IMMT: variants seen among roughly 807,000 people sequenced by gnomAD.
IMMT encodes MICOS complex subunit MIC60.
In IMMT, 40 loss-of-function variants were observed where a neutral mutation model predicts 92.7. That is an observed-to-expected ratio of 0.43 (90% CI 0.34 to 0.56). The LOEUF is 0.56. IMMT is among the 20% of genes least tolerant of loss of function. The pLI is 0.03. For synonymous variants in IMMT, 322 were observed against 336.1 expected, an observed-to-expected ratio of 0.96 and a Z score of 0.46; for missense variants, 831 against 912.1, an observed-to-expected ratio of 0.91 and a Z score of 1.14.
At chr2:86,181,139 A>G (rs959556207) in intron 2 of IMMT, among the ~76,000 whole-genome samples, 160 bp downstream of exon 2, 1 of 152,198 alleles carries the variant, frequency 6.6e-6, no homozygotes, top group Non-Finnish European at 1.5e-5. Flanking sequence ...CCTACAAACA[A>G]TGCTCCAGAA....
chr2:86,177,461 A>G (rs1283296159), intron 3 of IMMT, among the ~76,000 whole-genome samples: 1 of 152,020 alleles, frequency 6.6e-6, no homozygotes, highest in Non-Finnish European at 1.5e-5. Flanking sequence ...AAAATTAGCT[A>G]GGCATGGTGG....
At chr2:86,167,875 G>C (rs1040083594) in intron 6 of IMMT, among the ~76,000 whole-genome samples, 1 of 152,022 alleles carries the variant, frequency 6.6e-6, no homozygotes, top group African/African-American at 2.4e-5. Flanking sequence ...ATTTCAAATG[G>C]GAGAAACAAG....
At chr2:86,157,802 A>AC (rs1371233305) in intron 10 of IMMT, among the ~76,000 whole-genome samples, 1 of 112,074 alleles carries the variant, frequency 8.9e-6, no homozygotes, top group Non-Finnish European at 1.9e-5. Context: ...AAAAAAAAAA[A>AC]AGAAAAAAAA....
At chr2:86,172,281 G>A (rs1377352109) in intron 4 of IMMT, among the ~76,000 whole-genome samples, 5 of 151,668 alleles carry the variant, frequency 3.3e-5, no homozygotes, top group African/African-American at 1.2e-4. Context: ...TGGTTTTAAA[G>A]TAACAGTCAA....
intron 12 of IMMT, among the ~76,000 whole-genome samples, chr2:86,148,076 C>A (rs1223433074): frequency 6.6e-6 from 1 of 152,188 alleles, no homozygotes; most frequent in East Asian, 1.9e-4. Context: ...TCTCTCACCC[C>A]CAAACTTGTG....
intron 1 of IMMT, among the ~76,000 whole-genome samples, chr2:86,182,377 A>G (rs1672488755): frequency 6.6e-6 from 1 of 152,250 alleles, no homozygotes; most frequent in South Asian, 2.1e-4. Flanking sequence ...AAAATCTATC[A>G]CATGATCATA....
intron 1 of IMMT, among the ~76,000 whole-genome samples, chr2:86,193,903 T>A (rs1025267962): frequency 2.6e-5 from 4 of 152,114 alleles, no homozygotes; most frequent in African/African-American, 9.7e-5. Flanking sequence ...GAAAAGGAGG[T>A]CATCCAGGTG....
At chr2:86,150,780 G>C (rs1330339218) in intron 12 of IMMT, among the ~76,000 whole-genome samples, 1 of 152,146 alleles carries the variant, frequency 6.6e-6, no homozygotes. Context: ...TTACACTTCT[G>C]CATCTGCTCA....
chr2:86,192,094 C>A (rs1397095831), intron 1 of IMMT, among the ~76,000 whole-genome samples: 2 of 151,962 alleles, frequency 1.3e-5, no homozygotes, highest in African/African-American at 4.8e-5. Context: ...ATTGGCTGGG[C>A]ATGGTGGCAT....
In IMMT at chr2:86,157,111, T is replaced by C. The variant is rs115062506; in HGVS notation, c.1162+1481A>G. Among the ~76,000 whole-genome samples the C allele has an allele frequency of 3.8e-3, 572 of 152,294 alleles. 6 individuals are homozygous for C. Among genetic ancestry groups the C allele is most frequent in the African/African-American group, 0.013 (555 of 41,552 alleles). ...CAAGGATAAATTGTCCACAATGCCT[T>C]CTTTGCTCGATGGTAGCTATCCAGT... On this transcript the variant is annotated intron_variant, in intron 10 of 14. Coordinates refer to ENST00000410111, the MANE Select transcript of IMMT (RefSeq NM_006839.3).
intron 1 of IMMT, among the ~76,000 whole-genome samples, chr2:86,186,699 G>A (rs1262068743): frequency 1.3e-5 from 2 of 152,186 alleles, no homozygotes; most frequent in Admixed American, 6.5e-5. Context: ...GGGGATGACT[G>A]TAGACCTAGT....
Position 86,195,448 on chromosome 2 carries a change from C to G in IMMT, c.-66G>C, listed in dbSNP as rs561227050. Reference sequence around the variant, plus strand: ...CGCGGCGGCGCGAGTTAAGTGGAGGCGTGCTTGCGTGTGTGCGTGCCCGCG... The same window carrying G: ...CGCGGCGGCGCGAGTTAAGTGGAGGGGTGCTTGCGTGTGTGCGTGCCCGCG... On this transcript the variant is annotated 5_prime_UTR_variant, in exon 1 of 15. Coordinates refer to ENST00000410111, the MANE Select transcript of IMMT (RefSeq NM_006839.3). The G allele has an allele frequency of 2.0e-6, 3 of 1,503,644 alleles. No homozygotes were observed. The highest frequency in any genetic ancestry group is 2.7e-6 in the Non-Finnish European group (3 of 1,116,800). 93.1% of individuals were successfully genotyped at this position (1,503,644 alleles called of 1,614,324 possible).
intron 1 of IMMT, among the ~76,000 whole-genome samples, chr2:86,189,668 C>T (rs574569109): frequency 1.4e-4 from 22 of 152,288 alleles, no homozygotes; most frequent in African/African-American, 4.3e-4. Context: ...CAACTGATAA[C>T]GTTTTTGTGG....
intron 1 of IMMT, among the ~76,000 whole-genome samples, chr2:86,187,783 A>G (rs952117496): frequency 6.6e-6 from 1 of 151,902 alleles, no homozygotes; most frequent in African/African-American, 2.4e-5. Flanking sequence ...GTGGTGGCGC[A>G]TGCCTGTAAT....
At chr2:86,190,455 C>T (rs1232019712) in intron 1 of IMMT, among the ~76,000 whole-genome samples, 1 of 152,182 alleles carries the variant, frequency 6.6e-6, no homozygotes, top group Non-Finnish European at 1.5e-5. Flanking sequence ...ATGACCACTT[C>T]CAGGTTTGTA....
At chr2:86,178,849 G>A (rs1677630208) in intron 3 of IMMT, among the ~76,000 whole-genome samples, 1 of 151,886 alleles carries the variant, frequency 6.6e-6, no homozygotes, top group South Asian at 2.1e-4. Context: ...ATCACCTGAG[G>A]TCAGGAGTTT....
intron 1 of IMMT, among the ~76,000 whole-genome samples, chr2:86,189,556 A>G (rs371042150): frequency 1.3e-5 from 2 of 152,282 alleles, no homozygotes; most frequent in African/African-American, 4.8e-5. Context: ...AAGAAACCAC[A>G]ATCTAGCATG....
intron 7 of IMMT, among the ~76,000 whole-genome samples, 172 bp from the exon 8 acceptor site, chr2:86,162,251 C>T (rs1375802507): frequency 4.0e-5 from 6 of 151,800 alleles, no homozygotes; most frequent in Admixed American, 3.9e-4. Flanking sequence ...TAATTTAAGG[C>T]TTATGATCTG....
In IMMT at chr2:86,164,366, C is replaced by A. The variant is rs1480050369; in HGVS notation, c.792+2142G>T. The stretch of plus-strand genomic sequence containing the variant: ...GCCACCACGCCTGGACCGCTTTAGT[C>A]ATCTTGAAAATAAAATACATCAAGA... On this transcript the variant is annotated intron_variant, in intron 7 of 14. Transcript: ENST00000410111. Among the ~76,000 whole-genome samples the A allele has an allele frequency of 2.6e-5, 4 of 151,556 alleles. No homozygotes were observed. The East Asian group carries it at 8.0e-4, about 30-fold the overall frequency.
Sources: allele counts gnomAD v4.1 joint callset (sites outside exome capture counted in the v4.1 genomes callset), GRCh38; gene constraint gnomAD v4.1.1; transcripts MANE v1.5; gene names NCBI Gene and HGNC (gene_info 2026-07-23, HGNC 2026-07-21).